Variants in DOCK4 observed in about 807,000 individuals in gnomAD.
DOCK4 encodes dedicator of cytokinesis protein 4.
In DOCK4, 97 loss-of-function variants were observed where a neutral mutation model predicts 268.1. The ratio of observed to expected loss-of-function variants is 0.36; its 90% CI spans 0.31 to 0.43. The LOEUF is 0.43. Among genes scored for constraint, DOCK4 ranks in the 20% least tolerant of loss-of-function variants. The probability of loss-of-function intolerance (pLI) is 1.00; values close to 1 mark genes in which losing one functional copy is unlikely to be tolerated. For synonymous variants in DOCK4, 954 were observed against 887.2 expected, an observed-to-expected ratio of 1.08 and a Z score of -1.34; for missense variants, 2,145 against 2,455.7, an observed-to-expected ratio of 0.87 and a Z score of 2.67.
chr7:112,016,708 G>C (rs922988083), intron 1 of DOCK4, among the ~76,000 whole-genome samples: 1 of 152,020 alleles, frequency 6.6e-6, no homozygotes, highest in Non-Finnish European at 1.5e-5. Context: ...GTTTAGTCTT[G>C]ATTTCTTTAA....
chr7:112,121,525 T>C (rs1812726212), intron 1 of DOCK4, among the ~76,000 whole-genome samples: 1 of 152,306 alleles, frequency 6.6e-6, no homozygotes, highest in East Asian at 1.9e-4. Context: ...TAGCATTAGG[T>C]TCAATTTTCT....
chr7:111,806,968 AG>A (rs1800720225), intron 30 of DOCK4, among the ~76,000 whole-genome samples: 2 of 152,202 alleles, frequency 1.3e-5, no homozygotes, highest in Non-Finnish European at 2.9e-5. Flanking sequence ...AAGTTTATGA[AG>A]TATACAGTGA....
chr7:111,956,615 G>T (rs1410084680), intron 8 of DOCK4, among the ~76,000 whole-genome samples: 1 of 152,110 alleles, frequency 6.6e-6, no homozygotes, highest in African/African-American at 2.4e-5. Flanking sequence ...TCACCTTATT[G>T]TCTGTAAAGT....
At chr7:112,161,472 T>C (rs1448397462) in intron 1 of DOCK4, among the ~76,000 whole-genome samples, 1 of 152,186 alleles carries the variant, frequency 6.6e-6, no homozygotes, top group Non-Finnish European at 1.5e-5. Context: ...TAAATTTTAA[T>C]TAGACTAGAA....
At chr7:111,803,022 A>T (rs1800418497) in intron 30 of DOCK4, among the ~76,000 whole-genome samples, 1 of 152,208 alleles carries the variant, frequency 6.6e-6, no homozygotes, top group Admixed American at 6.5e-5. Flanking sequence ...AAATTCCTTA[A>T]ATTAATTAAA....
rs111559169 is a variant in DOCK4 at position 112,162,511 on chromosome 7, T to C, written c.37+43591A>G. On this transcript the variant is annotated intron_variant, in intron 1 of 52. Coordinates refer to ENST00000428084, the MANE Select transcript of DOCK4 (RefSeq NM_001363540.2). ...AGAGAGTGTCTGTCTGTCTCTTTCTTTCTCTCTCTCTCTCTCTCTCTCTCT... is the reference window on the plus strand; with the variant it reads ...AGAGAGTGTCTGTCTGTCTCTTTCTCTCTCTCTCTCTCTCTCTCTCTCTCT... Among the ~76,000 whole-genome samples the C allele has an allele frequency of 7.8e-5, 11 of 140,722 alleles. No individual in the cohort carries two copies. The East Asian group carries it at 1.1e-3, about 14-fold the overall frequency. The allele number at this position is 140,722 out of a possible 152,430, so 92.3% of individuals were successfully genotyped here.
In DOCK4 at chr7:111,929,944, C is replaced by T. The variant is rs117325432; in HGVS notation, c.1066+5596G>A. On this transcript the variant is annotated intron_variant, in intron 12 of 52. Transcript: ENST00000428084. The stretch of plus-strand genomic sequence containing the variant: ...TGAACCATAGCCAATGATTTTTACA[C>T]ACCGTTTCAAGACGTAGAACTTAAT... Among the ~76,000 whole-genome samples, 625 of 152,278 alleles carry T rather than the reference C, an allele frequency of 4.1e-3. 5 individuals carry two copies. The highest frequency in any genetic ancestry group is 4.8e-3 in the Non-Finnish European group (326 of 68,016).
rs573598330 is a variant in DOCK4 at position 112,083,907 on chromosome 7, T to C, written c.38-79776A>G. Among the ~76,000 whole-genome samples, 2 of 152,304 alleles carry C rather than the reference T, an allele frequency of 1.3e-5. 1 individual carries two copies. Among genetic ancestry groups the C allele is most frequent in the South Asian group, 4.1e-4 (2 of 4,832 alleles). On this transcript the variant is annotated intron_variant, in intron 1 of 52. Coordinates refer to ENST00000428084, the MANE Select transcript of DOCK4 (RefSeq NM_001363540.2). Reference sequence around the variant, plus strand: ...TACTTCCCTGCTCTGCTGTTAGGCTTAGTGATTGACTTACTTTGACCAACG... The same window carrying C: ...TACTTCCCTGCTCTGCTGTTAGGCTCAGTGATTGACTTACTTTGACCAACG...
chr7:111,767,201 C>T (rs889483101), intron 37 of DOCK4, 83 bp from the exon 38 acceptor site: 30 of 963,938 alleles, frequency 3.1e-5, no homozygotes, highest in Admixed American at 1.4e-4. Flanking sequence ...TGAGTGCTTT[C>T]AGAGCACCAA....
chr7:112,037,715 A>G (rs772061928), intron 1 of DOCK4, among the ~76,000 whole-genome samples: 1 of 152,124 alleles, frequency 6.6e-6, no homozygotes, highest in Non-Finnish European at 1.5e-5. Context: ...AAATCTGAAC[A>G]CTCTTGCACT....
chr7:111,788,100 T>C (rs1799299341), intron 32 of DOCK4, among the ~76,000 whole-genome samples: 1 of 152,228 alleles, frequency 6.6e-6, no homozygotes, highest in African/African-American at 2.4e-5. Flanking sequence ...TATTTCTCTA[T>C]CTTCCATACA....
chr7:111,740,531 G>A (rs997056549), intron 47 of DOCK4, among the ~76,000 whole-genome samples: 30 of 149,598 alleles, frequency 2.0e-4, no homozygotes, highest in African/African-American at 7.1e-4. Context: ...TCAGGAGTTC[G>A]AGACCAACCT....
At chr7:111,806,405 A>G (rs1800681435) in intron 30 of DOCK4, among the ~76,000 whole-genome samples, 1 of 152,210 alleles carries the variant, frequency 6.6e-6, no homozygotes, top group African/African-American at 2.4e-5. Context: ...GCACAACAGC[A>G]ACAAACTTTA....
At chr7:111,899,732 G>T (rs1405592541) in intron 15 of DOCK4, among the ~76,000 whole-genome samples, 3 of 152,120 alleles carry the variant, frequency 2.0e-5, no homozygotes, top group Non-Finnish European at 4.4e-5. Context: ...AGACCAGCCT[G>T]ACCAATATGG....
chr7:111,933,298 A>ATTTT (rs376735342), intron 12 of DOCK4, among the ~76,000 whole-genome samples: 5 of 74,826 alleles, frequency 6.7e-5, no homozygotes, highest in African/African-American at 1.3e-4. Context: ...ATATATATAT[A>ATTTT]TTTTTTTTTT....
At chr7:111,854,738 T>C (rs1163059171) in intron 23 of DOCK4, among the ~76,000 whole-genome samples, 1 of 152,218 alleles carries the variant, frequency 6.6e-6, no homozygotes, top group Non-Finnish European at 1.5e-5. Context: ...AGTCAGTACC[T>C]AGTGTTCATG....
chr7:111,788,959 C>T, intron 31 of DOCK4: 5 of 577,080 alleles, frequency 8.7e-6, no homozygotes, highest in Middle Eastern at 4.6e-4. Flanking sequence ...GGCTGGGTAG[C>T]GTTTACTGCT....
At chr7:111,868,244 T>C in intron 21 of DOCK4, 90 bp from the exon 22 acceptor site, 2 of 1,030,096 alleles carry the variant, frequency 1.9e-6, no homozygotes. Context: ...TGGTATGGCA[T>C]TAAACTTTTA....
At chr7:112,063,475 T>A (rs1007631912) in intron 1 of DOCK4, among the ~76,000 whole-genome samples, 1 of 152,190 alleles carries the variant, frequency 6.6e-6, no homozygotes, top group Admixed American at 6.5e-5. Context: ...AGCCCACAAT[T>A]GGGCAAAATC....
Sources: allele counts gnomAD v4.1 joint callset (sites outside exome capture counted in the v4.1 genomes callset), GRCh38; gene constraint gnomAD v4.1.1; transcripts MANE v1.5; gene names NCBI Gene and HGNC (gene_info 2026-07-23, HGNC 2026-07-21).